The following ATG10 variants were observed in gnomAD, a reference collection of about 807,000 sequenced individuals.
The protein encoded by ATG10 is ubiquitin-like-conjugating enzyme ATG10.
Under a neutral mutation model 32.1 loss-of-function variants are expected in ATG10, and 30 were observed. The observed-to-expected ratio is 0.94, with a 90% CI of 0.70 to 1.27. The LOEUF (loss-of-function observed/expected upper bound fraction) is 1.27, where lower values mean the gene tolerates loss of function less well. ATG10 is among the 50% of genes most tolerant of loss of function. The pLI is 0.00. For missense variants in ATG10, 233 were observed against 262.3 expected (o/e 0.89, Z 0.77); for synonymous variants, 87 against 91.5 (o/e 0.95, Z 0.28).
At chr5:82,108,710 A>T (rs1352430796) in intron 3 of ATG10, among the ~76,000 whole-genome samples, 1 of 152,034 alleles carries the variant, frequency 6.6e-6, no homozygotes, top group Non-Finnish European at 1.5e-5. Flanking sequence ...GAAGGATGGA[A>T]TGTGCATCAG....
In ATG10 at chr5:82,091,927, G is replaced by C. The variant is rs140428597; in HGVS notation, c.216+33325G>C. Among the ~76,000 whole-genome samples the C allele has an allele frequency of 5.2e-3, 791 of 152,238 alleles. 5 individuals carry two copies. Among genetic ancestry groups the C allele is most frequent in the African/African-American group, 0.015 (638 of 41,550 alleles). On this transcript the variant is annotated intron_variant, in intron 3 of 7. Coordinates refer to ENST00000282185, the MANE Select transcript of ATG10 (RefSeq NM_031482.5). ...TTACAGTGAACACAATACTGAAAAA[G>C]TTTTCTGAATAATAAGACTATTTCC...
intron 3 of ATG10, among the ~76,000 whole-genome samples, chr5:82,120,453 A>G (rs1765999937): frequency 6.6e-6 from 1 of 152,184 alleles, no homozygotes; most frequent in Non-Finnish European, 1.5e-5. Context: ...GGATTTGAAC[A>G]TGTATTTAGG....
chr5:82,095,887 G>A (rs750080007), intron 3 of ATG10, among the ~76,000 whole-genome samples: 13 of 152,142 alleles, frequency 8.5e-5, no homozygotes, highest in Non-Finnish European at 1.5e-4. Context: ...GTTGTTATTA[G>A]TAGGAAAATT....
At chr5:81,984,292 C>A (rs370802600) in intron 1 of ATG10, among the ~76,000 whole-genome samples, 1 of 152,238 alleles carries the variant, frequency 6.6e-6, no homozygotes, top group Non-Finnish European at 1.5e-5. Context: ...TCAGGCCTGG[C>A]GGCGCGCGCC....
intron 3 of ATG10, among the ~76,000 whole-genome samples, chr5:82,064,608 C>A (rs72776846): frequency 6.6e-6 from 1 of 151,934 alleles, no homozygotes; most frequent in Admixed American, 6.6e-5. Context: ...CATTTTAATT[C>A]CCCCAAAATA....
intron 5 of ATG10, among the ~76,000 whole-genome samples, chr5:82,249,199 A>G (rs937929879): frequency 5.3e-5 from 8 of 152,118 alleles, no homozygotes; most frequent in Non-Finnish European, 1.2e-4. Flanking sequence ...ATTTAAATTC[A>G]TTTAAATTAT....
chr5:81,982,543 TG>T (rs1358948789), intron 1 of ATG10, among the ~76,000 whole-genome samples: 5 of 151,098 alleles, frequency 3.3e-5, no homozygotes, highest in African/African-American at 7.3e-5. Flanking sequence ...AGAGATTCAT[TG>T]TTTTTTTTTT....
chr5:82,165,673 A>G (rs920717345), intron 4 of ATG10, among the ~76,000 whole-genome samples: 14 of 152,206 alleles, frequency 9.2e-5, no homozygotes, highest in African/African-American at 3.1e-4. Context: ...ATTTATCCAT[A>G]TAATTATTAC....
At chr5:82,197,186 T>G (rs1744886091) in intron 5 of ATG10, among the ~76,000 whole-genome samples, 1 of 152,216 alleles carries the variant, frequency 6.6e-6, no homozygotes. Flanking sequence ...AATTTCATTT[T>G]CATATTGTTC....
At chr5:82,165,816 T>C (rs575304419) in intron 4 of ATG10, among the ~76,000 whole-genome samples, 1 of 152,304 alleles carries the variant, frequency 6.6e-6, no homozygotes, top group African/African-American at 2.4e-5. Flanking sequence ...GGGAGGAAAA[T>C]GTCTTTCTTG....
chr5:82,159,754 C>T (rs1222111157), intron 3 of ATG10, among the ~76,000 whole-genome samples: 1 of 151,966 alleles, frequency 6.6e-6, no homozygotes, highest in Non-Finnish European at 1.5e-5. Context: ...TTAACATGAT[C>T]CCTCTGTCAT....
chr5:82,116,536 T>C (rs1246973764), intron 3 of ATG10, among the ~76,000 whole-genome samples: 1 of 152,140 alleles, frequency 6.6e-6, no homozygotes, highest in Non-Finnish European at 1.5e-5. Flanking sequence ...TGCAAATGTC[T>C]ATGTTGTATA....
At chr5:82,001,761 T>C (rs1761854493) in intron 2 of ATG10, among the ~76,000 whole-genome samples, 1 of 152,150 alleles carries the variant, frequency 6.6e-6, no homozygotes, top group Non-Finnish European at 1.5e-5. Flanking sequence ...CCAAAAGCAA[T>C]TGCAACAAAA....
chr5:82,152,538 A>T (rs1456547161), intron 3 of ATG10, among the ~76,000 whole-genome samples: 1 of 152,208 alleles, frequency 6.6e-6, no homozygotes, highest in Non-Finnish European at 1.5e-5. Context: ...TGGCGCAGAA[A>T]TCTAAGAGCC....
At chr5:82,083,621 C>T (rs1764562941) in intron 3 of ATG10, among the ~76,000 whole-genome samples, 1 of 152,192 alleles carries the variant, frequency 6.6e-6, no homozygotes, top group Non-Finnish European at 1.5e-5. Flanking sequence ...GGGTGCCCCT[C>T]TGACACGAAG....
chr5:82,110,296 T>G (rs961712998), intron 3 of ATG10, among the ~76,000 whole-genome samples: 3 of 152,170 alleles, frequency 2.0e-5, no homozygotes, highest in South Asian at 4.2e-4. Context: ...ATGATTTATA[T>G]TCCTTTGGGT....
chr5:81,986,429 A>C (rs1370417157), intron 1 of ATG10, among the ~76,000 whole-genome samples: 1 of 152,194 alleles, frequency 6.6e-6, no homozygotes, highest in Non-Finnish European at 1.5e-5. Context: ...CTTTGTTAGA[A>C]TATGAGCTCT....
chr5:82,178,967 T>C (rs74358486), intron 5 of ATG10, among the ~76,000 whole-genome samples: 2,106 of 152,238 alleles, frequency 0.014, 39 homozygotes, highest in African/African-American at 0.047. Flanking sequence ...ATGCATTTCA[T>C]ACACCTAATC....
intron 5 of ATG10, among the ~76,000 whole-genome samples, chr5:82,231,728 A>G (rs562886736): frequency 6.6e-6 from 1 of 152,292 alleles, no homozygotes; most frequent in African/African-American, 2.4e-5. Context: ...CTAAAGAGAA[A>G]AACTAATTTT....
Sources: gnomAD v4.1 joint callset for allele counts (sites outside exome capture counted in the v4.1 genomes callset) on GRCh38, gnomAD v4.1.1 for gene constraint, MANE v1.5 for transcripts, NCBI Gene and HGNC (gene_info 2026-07-23, HGNC 2026-07-21) for gene names.